Variants in GABRA2 observed in about 807,000 individuals in gnomAD.
GABRA2 encodes the protein gamma-aminobutyric acid type A receptor subunit alpha2.
GABRA2 carries 16 observed loss-of-function variants against 48.7 expected under a neutral mutation model. The ratio of observed to expected loss-of-function variants is 0.33; its 90% CI spans 0.22 to 0.50. The LOEUF is 0.50. Among genes scored for constraint, GABRA2 ranks in the 20% least tolerant of loss-of-function variants. GABRA2 has a pLI of 0.98. For missense variants in GABRA2, 275 were observed against 535.6 expected (o/e 0.51, Z 4.80); for synonymous variants, 185 against 184.5 (o/e 1.00, Z -0.02).
At chr4:46,284,109 T>G (rs1014378079) in intron 8 of GABRA2, among the ~76,000 whole-genome samples, 1 of 151,370 alleles carries the variant, frequency 6.6e-6, no homozygotes, top group Admixed American at 6.6e-5. Flanking sequence ...TGTTATATAC[T>G]CAATATAATA....
At chr4:46,340,908 T>TC (rs1280170618) in intron 3 of GABRA2, among the ~76,000 whole-genome samples, 1 of 151,988 alleles carries the variant, frequency 6.6e-6, no homozygotes, top group African/African-American at 2.4e-5. Flanking sequence ...TTTAAGGCTG[T>TC]ATTCGTTTCT....
At chr4:46,297,213 CCA>C (rs370391837) in intron 8 of GABRA2, among the ~76,000 whole-genome samples, 4 of 151,824 alleles carry the variant, frequency 2.6e-5, no homozygotes, top group African/African-American at 9.7e-5. Context: ...AGAGTCAGAT[CCA>C]CCCTTAATAT....
chr4:46,354,178 A>T (rs940046581), intron 3 of GABRA2, among the ~76,000 whole-genome samples: 2 of 152,156 alleles, frequency 1.3e-5, no homozygotes, highest in Non-Finnish European at 2.9e-5. Context: ...GCCAACATTT[A>T]AAAAAGTTTG....
At chr4:46,360,707 G>C (rs1302732906) in intron 3 of GABRA2, among the ~76,000 whole-genome samples, 1 of 152,198 alleles carries the variant, frequency 6.6e-6, no homozygotes, top group African/African-American at 2.4e-5. Context: ...AGAGTTTGAA[G>C]GGCTCAGAAG....
chr4:46,378,044 G>GC (rs368282373), intron 3 of GABRA2, among the ~76,000 whole-genome samples: 1 of 127,214 alleles, frequency 7.9e-6, no homozygotes, highest in African/African-American at 2.9e-5. Context: ...GGGGGGTTCA[G>GC]CCCCCCCACC....
At chr4:46,359,374 A>G (rs1252470531) in intron 3 of GABRA2, among the ~76,000 whole-genome samples, 2 of 152,164 alleles carry the variant, frequency 1.3e-5, no homozygotes, top group African/African-American at 4.8e-5. Flanking sequence ...GCCCATTTTC[A>G]TTATAATCAT....
chr4:46,339,262 C>A (rs1023986507), intron 3 of GABRA2, among the ~76,000 whole-genome samples: 1 of 151,704 alleles, frequency 6.6e-6, no homozygotes, highest in African/African-American at 2.4e-5. Flanking sequence ...TTCCTTAGTA[C>A]ACTGGTCATA....
Position 46,244,555 on chromosome 4 carries a change from A to T in GABRA2, c.*5753T>A, listed in dbSNP as rs1713351986. On this transcript the variant is annotated 3_prime_UTR_variant, in exon 10 of 10. Coordinates refer to ENST00000381620, the MANE Select transcript of GABRA2 (RefSeq NM_000807.4). Reference sequence around the variant, plus strand: ...GATCAATTCAGGCGTCATTCTATAAACGGTAACTTACAACAAAATATTTGA... The same window carrying T: ...GATCAATTCAGGCGTCATTCTATAATCGGTAACTTACAACAAAATATTTGA... 6.6e-6 allele frequency among the ~76,000 whole-genome samples: 1 copy of T among 151,508 alleles called. No homozygotes were observed. The highest frequency in any genetic ancestry group is 1.5e-5 in the Non-Finnish European group (1 of 67,634).
chr4:46,293,649 C>T (rs112384989), intron 8 of GABRA2, among the ~76,000 whole-genome samples: 2,339 of 152,272 alleles, frequency 0.015, 62 homozygotes, highest in African/African-American at 0.054. Context: ...TGGCAGAACC[C>T]GCACATTGGC....
intron 8 of GABRA2, among the ~76,000 whole-genome samples, chr4:46,288,659 G>C (rs1332964380): frequency 6.6e-6 from 1 of 152,156 alleles, no homozygotes; most frequent in East Asian, 1.9e-4. Context: ...AACAGGCAAA[G>C]AGTTCATGAT....
At chr4:46,320,600 AAT>A (rs1216120903) in intron 4 of GABRA2, among the ~76,000 whole-genome samples, 1 of 151,884 alleles carries the variant, frequency 6.6e-6, no homozygotes, top group African/African-American at 2.4e-5. Context: ...AAAGAATCTG[AAT>A]CGACAGTTCT....
At position 46,362,386 on chromosome 4, in the gene GABRA2, C is replaced by A. The variant is rs111317707; in HGVS notation, c.187+23688G>T. Among the ~76,000 whole-genome samples the A allele has an allele frequency of 6.5e-3, 992 of 152,264 alleles. 2 individuals are homozygous for A. The highest frequency in any genetic ancestry group is 0.011 in the Non-Finnish European group (762 of 68,032). ...TTCCACTATGATTACAAGGCCTCCC[C>A]AGCCACGTGGAACTGTAAGTCCATT... On this transcript the variant is annotated intron_variant, in intron 3 of 9. Transcript: ENST00000381620.
chr4:46,371,965 G>A (rs781752936), intron 3 of GABRA2, among the ~76,000 whole-genome samples: 15 of 152,204 alleles, frequency 9.9e-5, no homozygotes, highest in Non-Finnish European at 2.1e-4. Flanking sequence ...AAAGTGTGGC[G>A]CACAGAACAG....
At chr4:46,372,686 T>C (rs1484837551) in intron 3 of GABRA2, among the ~76,000 whole-genome samples, 1 of 152,180 alleles carries the variant, frequency 6.6e-6, no homozygotes, top group Non-Finnish European at 1.5e-5. Flanking sequence ...CTTACCTATA[T>C]TTGATAATTT....
chr4:46,362,503 T>C (rs1028955520), intron 3 of GABRA2, among the ~76,000 whole-genome samples: 4 of 152,090 alleles, frequency 2.6e-5, no homozygotes, highest in Admixed American at 2.6e-4. Context: ...AAATTATATC[T>C]CAATCAAGTC....
intron 3 of GABRA2, among the ~76,000 whole-genome samples, chr4:46,340,019 A>C: frequency 6.6e-6 from 1 of 151,650 alleles, no homozygotes; most frequent in Non-Finnish European, 1.5e-5. Flanking sequence ...TATTTATTCT[A>C]ACTCTTAGGT....
At chr4:46,296,906 T>C (rs1049143355) in intron 8 of GABRA2, among the ~76,000 whole-genome samples, 2 of 152,210 alleles carry the variant, frequency 1.3e-5, no homozygotes, top group African/African-American at 4.8e-5. Flanking sequence ...ACAAGATTTA[T>C]TGACCTCATA....
At chr4:46,362,746 T>C (rs1215478139) in intron 3 of GABRA2, among the ~76,000 whole-genome samples, 1 of 152,206 alleles carries the variant, frequency 6.6e-6, no homozygotes, top group African/African-American at 2.4e-5. Flanking sequence ...TGGTTGCTGG[T>C]CATTAAGAAA....
chr4:46,258,179 T>C (rs953453858), intron 9 of GABRA2, among the ~76,000 whole-genome samples: 1 of 151,774 alleles, frequency 6.6e-6, no homozygotes, highest in African/African-American at 2.4e-5. Context: ...TAATACCTCT[T>C]TAACTCATAC....
Sources: allele counts gnomAD v4.1 joint callset (sites outside exome capture counted in the v4.1 genomes callset), GRCh38; gene constraint gnomAD v4.1.1; transcripts MANE v1.5; gene names NCBI Gene and HGNC (gene_info 2026-07-23, HGNC 2026-07-21).